Variants in ZNF274 observed in about 807,000 individuals in gnomAD.
The protein encoded by ZNF274 is neurotrophin receptor-interacting factor homolog.
Under a neutral mutation model 42.5 loss-of-function variants are expected in ZNF274, and 23 were observed. The ratio of observed to expected loss-of-function variants is 0.54; its 90% CI spans 0.39 to 0.77. The LOEUF (loss-of-function observed/expected upper bound fraction) is 0.77. ZNF274 is among the 30% of genes least tolerant of loss of function. ZNF274 has a pLI of 0.00. For missense variants in ZNF274, 679 were observed against 806.5 expected (o/e 0.84, Z 1.91); for synonymous variants, 292 against 305.4 (o/e 0.96, Z 0.46).
At chr19:58,205,760 A>G (rs910071908) in intron 4 of ZNF274, among the ~76,000 whole-genome samples, 1 of 151,894 alleles carries the variant, frequency 6.6e-6, no homozygotes, top group Admixed American at 6.6e-5. Context: ...GCTCTTGTGG[A>G]CTCTGTGCCA....
Position 58,213,532 on chromosome 19 carries a change from GATAA to G in ZNF274, c.*395_*398del, listed in dbSNP as rs533929554. The G allele has an allele frequency of 2.3e-4, 42 of 178,970 alleles. No homozygotes were observed. The East Asian group carries it at 4.5e-3, about 19-fold the overall frequency. 11.1% of individuals were successfully genotyped at this position (178,970 alleles called of 1,614,324 possible). On this transcript the variant is annotated 3_prime_UTR_variant, in exon 8 of 8. Coordinates refer to ENST00000617501, the MANE Select transcript of ZNF274 (RefSeq NM_133502.3). ...GAATTAAGGATTAAAAGATAATGTG[GATAA>G]ATAAACTATTGATCTATGTCTGTGT...
chr19:58,208,363 C>G lies in ZNF274; in HGVS notation c.739+1161C>G, dbSNP rs758144642. On this transcript the variant is annotated intron_variant, in intron 5 of 7. Transcript: ENST00000617501. The surrounding 1 kb of genome is among the most constrained non-coding windows in gnomAD (Gnocchi z 4.5). ...GATGCACCAAGTCTGGGGTGCTGTACTTGGCAGAATAATTGCCCCAAAGGT... is the reference window on the plus strand; with the variant it reads ...GATGCACCAAGTCTGGGGTGCTGTAGTTGGCAGAATAATTGCCCCAAAGGT... 5.9e-5 allele frequency: 9 copies of G among 152,224 alleles called. No individual in the cohort carries two copies. The highest frequency in any genetic ancestry group is 1.2e-4 in the Non-Finnish European group (8 of 68,058). The allele number at this position is 152,224 out of a possible 1,614,324, so 9.4% of individuals were successfully genotyped here. A position where few individuals can be genotyped will look rare whatever the true frequency, so the allele number is the denominator to read the frequency against.
chr19:58,206,624 C>T, intron 4 of ZNF274, 96 bp from the exon 5 acceptor site: 1 of 1,394,326 alleles, frequency 7.2e-7, no homozygotes, highest in Non-Finnish European at 9.6e-7. Context: ...GCATATTCCA[C>T]TGTGGTTTTG....
intron 4 of ZNF274, among the ~76,000 whole-genome samples, chr19:58,201,494 G>C (rs1304689881): frequency 6.7e-6 from 1 of 149,438 alleles, no homozygotes; most frequent in African/African-American, 2.5e-5. Context: ...AGGGTTCCTA[G>C]CCTATCCCAG....
chr19:58,207,591 G>A lies in ZNF274; in HGVS notation c.739+389G>A, dbSNP rs1316151479. Among the ~76,000 whole-genome samples the A allele has an allele frequency of 6.6e-6, 1 of 152,190 alleles. No homozygotes were observed. Among genetic ancestry groups the A allele is most frequent in the African/African-American group, 2.4e-5 (1 of 41,452 alleles). ...AATGCTGGGACTATGAGGAGCTCGA[G>A]GTGATGGTGAGGCTTATGAAGGTCT... On this transcript the variant is annotated intron_variant, in intron 5 of 7. Coordinates refer to ENST00000617501, the MANE Select transcript of ZNF274 (RefSeq NM_133502.3). The surrounding 1 kb of genome is among the most constrained non-coding windows in gnomAD (Gnocchi z 5.6).
chr19:58,210,289 A>C, intron 6 of ZNF274: 1 of 461,018 alleles, frequency 2.2e-6, no homozygotes, highest in Non-Finnish European at 3.9e-6. Context: ...ACGCATGGTG[A>C]CCCGGGAGCT....
Position 58,213,231 on chromosome 19 carries a change from G to A in ZNF274, c.*88G>A. 1 of 1,490,304 alleles carries A rather than the reference G, an allele frequency of 6.7e-7. No homozygotes were observed. 92.3% of individuals were successfully genotyped at this position (1,490,304 alleles called of 1,614,324 possible). The stretch of plus-strand genomic sequence containing the variant: ...GCCTGCTTGTGAATCAGGACTGAAT[G>A]TGAAAGGGAAGTATTGAGTGAGGAC... On this transcript the variant is annotated 3_prime_UTR_variant, in exon 8 of 8. Coordinates refer to ENST00000617501, the MANE Select transcript of ZNF274 (RefSeq NM_133502.3).
chr19:58,191,607 C>T (rs2075779636), intron 4 of ZNF274, among the ~76,000 whole-genome samples: 1 of 152,188 alleles, frequency 6.6e-6, no homozygotes, highest in African/African-American at 2.4e-5. Flanking sequence ...ATGTCTGGGG[C>T]ACTGTGGGTG....
chr19:58,211,406 G>A lies in ZNF274; in HGVS notation c.853-154G>A, dbSNP rs1366305366. On this transcript the variant is annotated intron_variant, in intron 6 of 7. Transcript: ENST00000617501. This position sits in a 1 kb window ranked among gnomAD's most constrained non-coding sequence, Gnocchi z 4.8. Reference sequence around the variant, plus strand: ...GGTTTGGACCCAGTAGAACTCTTGTGGGCCCTGGGTTGGTGTCTCTGAGCA... The same window carrying A: ...GGTTTGGACCCAGTAGAACTCTTGTAGGCCCTGGGTTGGTGTCTCTGAGCA... 1 of 936,602 alleles carries A rather than the reference G, an allele frequency of 1.1e-6. No individual in the cohort carries two copies. The highest frequency in any genetic ancestry group is 1.5e-6 in the Non-Finnish European group (1 of 655,328). The allele number at this position is 936,602 out of a possible 1,614,324, so 58.0% of individuals were successfully genotyped here.
intron 4 of ZNF274, among the ~76,000 whole-genome samples, chr19:58,204,312 C>T (rs968111132): frequency 1.4e-4 from 21 of 152,004 alleles, no homozygotes; most frequent in Non-Finnish European, 2.8e-4. Flanking sequence ...GTAGGCCCCG[C>T]GGGTGTCGTA....
Position 58,212,992 on chromosome 19 carries a change from C to G in ZNF274, c.1811C>G (p.Ser604Cys). 6.2e-7 allele frequency: 1 copy of G among 1,613,980 alleles called. No homozygotes were observed. Among genetic ancestry groups the G allele is most frequent in the Non-Finnish European group, 8.5e-7 (1 of 1,179,868 alleles). The change falls in exon 8 of 8, where the codon TCC becomes TGC. Residue 604 changes from serine to cysteine, a missense_variant. Ser to Cys is a moderately radical substitution (Grantham distance 112). Around this residue, in one of 2 missense-constraint regions of ZNF274, gnomAD observed 456 missense variants for 590.1 expected, o/e 0.77. Transcript: ENST00000617501. This position sits in a 1 kb window ranked among gnomAD's most constrained non-coding sequence, Gnocchi z 4.6. ...QDCGKAFRQS[S>C]HLIRHQRTHT... ...TGTGGAAAAGCCTTCCGCCAGAGCT[C>G]CCACCTCATCAGACATCAGAGGACT...
At chr19:58,183,834 AG>A in intron 1 of ZNF274, 86 bp from the exon 2 acceptor site, 1 of 856,910 alleles carries the variant, frequency 1.2e-6, no homozygotes, top group Admixed American at 2.6e-5. Context: ...TTTCCCGCTG[AG>A]GGAGCCGTTC....
rs997230400 is a variant in ZNF274 at position 58,213,474 on chromosome 19, T to C, written c.*331T>C. ...AGGTAATTAATAATCTGCACTGATA[T>C]TACATCCACAGTACCACAGTATTTA... On this transcript the variant is annotated 3_prime_UTR_variant, in exon 8 of 8. Coordinates refer to ENST00000617501, the MANE Select transcript of ZNF274 (RefSeq NM_133502.3). 6 of 258,264 alleles carry C rather than the reference T, an allele frequency of 2.3e-5. No homozygotes were observed. The highest frequency in any genetic ancestry group is 2.3e-4 in the East Asian group (3 of 13,206). The allele number at this position is 258,264 out of a possible 1,614,324, so 16.0% of individuals were successfully genotyped here. A position where few individuals can be genotyped will look rare whatever the true frequency, so the allele number is the denominator to read the frequency against.
chr19:58,201,710 T>A (rs1230338229), intron 4 of ZNF274, among the ~76,000 whole-genome samples: 29 of 151,712 alleles, frequency 1.9e-4, no homozygotes, highest in Admixed American at 1.9e-3. Context: ...AGAGACGGGG[T>A]TTCACCATAT....
chr19:58,201,012 G>GTT (rs528937770), intron 4 of ZNF274, among the ~76,000 whole-genome samples: 19 of 141,024 alleles, frequency 1.3e-4, no homozygotes, highest in African/African-American at 4.5e-4. Flanking sequence ...TGTTTGTTTT[G>GTT]TTTTTTTTTT....
At chr19:58,194,206 T>C (rs1367893758) in intron 4 of ZNF274, among the ~76,000 whole-genome samples, 2 of 151,592 alleles carry the variant, frequency 1.3e-5, no homozygotes, top group African/African-American at 4.8e-5. Context: ...TTCAAAAATA[T>C]GTGTGTGTGT....
At chr19:58,192,042 A>T (rs2075784030) in intron 4 of ZNF274, among the ~76,000 whole-genome samples, 1 of 152,216 alleles carries the variant, frequency 6.6e-6, no homozygotes, top group African/African-American at 2.4e-5. Context: ...CAGAAGACCT[A>T]GTCAGGGGAC....
At chr19:58,188,721 T>A (rs2075742792) in intron 4 of ZNF274, among the ~76,000 whole-genome samples, 1 of 132,272 alleles carries the variant, frequency 7.6e-6, no homozygotes, top group South Asian at 2.4e-4. Context: ...TATATATATA[T>A]ATAAATCTTT....
intron 5 of ZNF274, chr19:58,209,299 G>GGTCCAGTGTGCC (rs1164624971): frequency 1.5e-4 from 23 of 152,264 alleles, no homozygotes; most frequent in Admixed American, 1.5e-3. Context: ...AGAAAGGGAT[G>GGTCCAGTGTGCC]GTCCAGTGTG....
Sources: gnomAD v4.1 joint callset for allele counts (sites outside exome capture counted in the v4.1 genomes callset) on GRCh38, gnomAD v4.1.1 for gene constraint, gnomAD v4.1.1 regional missense constraint, Gnocchi (gnomAD v3.1) non-coding constraint, MANE v1.5 for transcripts, NCBI Gene and HGNC (gene_info 2026-07-23, HGNC 2026-07-21) for gene names.